Variants in ATP7B observed in about 807,000 individuals in gnomAD.
ATP7B encodes the protein copper-transporting ATPase 2.
A neutral mutation model predicts 118.9 loss-of-function variants in ATP7B; 113 were observed. That is an observed-to-expected ratio of 0.95 (90% confidence interval 0.82 to 1.11). The LOEUF (loss-of-function observed/expected upper bound fraction) is 1.11. Ranked by LOEUF, ATP7B falls within the 50% of genes most tolerant of loss-of-function variation. The pLI, the probability that ATP7B is intolerant of heterozygous loss-of-function variation, is 0.00. For missense variants in ATP7B, 1,867 were observed against 1,871.4 expected, an observed-to-expected ratio of 1.00 and a Z score of 0.04; for synonymous variants, 777 against 727.4, an observed-to-expected ratio of 1.07 and a Z score of -1.10.
Position 52,010,438 on chromosome 13 carries a change from G to A in ATP7B, c.51+849C>T, listed in dbSNP as rs1175087763. ...CATGTACAAAGATGTTCACTTGCAA[G>A]AGAGAGAGAAAAAAAGTAGCAAACA... On this transcript the variant is annotated intron_variant, in intron 1 of 20. Transcript: ENST00000242839. Among the ~76,000 whole-genome samples, 9 of 152,198 alleles carry A rather than the reference G, an allele frequency of 5.9e-5. No homozygotes were observed. The East Asian group carries it at 1.2e-3, about 20-fold the overall frequency.
intron 1 of ATP7B, among the ~76,000 whole-genome samples, chr13:51,983,632 C>A (rs761872385): frequency 1.7e-4 from 24 of 143,212 alleles, no homozygotes; most frequent in Admixed American, 2.1e-4. Context: ...CACCCCCCAG[C>A]AGGGGCCAAA....
chr13:51,973,626 A>T (rs978025751), intron 2 of ATP7B, among the ~76,000 whole-genome samples: 1 of 152,232 alleles, frequency 6.6e-6, no homozygotes, highest in Non-Finnish European at 1.5e-5. Context: ...TCAACCTTAG[A>T]CTTCTCAGTA....
At chr13:51,941,979 G>A (rs1957359354) in intron 15 of ATP7B, among the ~76,000 whole-genome samples, 1 of 152,146 alleles carries the variant, frequency 6.6e-6, no homozygotes, top group Non-Finnish European at 1.5e-5. Flanking sequence ...GTCCCTTCCT[G>A]GCTTGGGCAG....
At chr13:51,982,745 G>A (rs1398369385) in intron 1 of ATP7B, among the ~76,000 whole-genome samples, 1 of 152,218 alleles carries the variant, frequency 6.6e-6, no homozygotes, top group African/African-American at 2.4e-5. Flanking sequence ...TTAAACAGCG[G>A]GTACAGCCCA....
At chr13:51,946,627 C>G (rs1470805471) in intron 12 of ATP7B, 149 bp from the exon 13 acceptor site, 2 of 853,678 alleles carry the variant, frequency 2.3e-6, no homozygotes, top group African/African-American at 3.4e-5. Flanking sequence ...ACTGCTCTGC[C>G]ATCATAGAGA....
intron 1 of ATP7B, among the ~76,000 whole-genome samples, chr13:51,990,476 T>A (rs1300005058): frequency 2.0e-5 from 3 of 152,182 alleles, no homozygotes; most frequent in Non-Finnish European, 4.4e-5. Context: ...ACTTCCATGA[T>A]GTTAAAAAGA....
intron 9 of ATP7B, among the ~76,000 whole-genome samples, chr13:51,953,145 T>G (rs1450636449): frequency 6.6e-6 from 1 of 152,206 alleles, no homozygotes; most frequent in African/African-American, 2.4e-5. Flanking sequence ...CGGAAGGATC[T>G]CGAGAACCCA....
At chr13:51,960,909 T>C (rs1958694592) in intron 6 of ATP7B, among the ~76,000 whole-genome samples, 1 of 152,076 alleles carries the variant, frequency 6.6e-6, no homozygotes, top group African/African-American at 2.4e-5. Flanking sequence ...CGAGTGGTTG[T>C]GGAACCTCAA....
chr13:52,010,444 G>C (rs549275216), intron 1 of ATP7B, among the ~76,000 whole-genome samples: 1 of 152,184 alleles, frequency 6.6e-6, no homozygotes, highest in Non-Finnish European at 1.5e-5. Flanking sequence ...GCAAGAGAGA[G>C]AGAAAAAAAG....
rs767633246 is a variant in ATP7B at position 51,934,875 on chromosome 13, G to C, written c.4279C>G (p.Gln1427Glu). ...GACGTCAGGGAGGACAGCGACACCTGGCTGACATAGCTGACCTGGTCCCAT... is the reference window on the plus strand; with the variant it reads ...GACGTCAGGGAGGACAGCGACACCTCGCTGACATAGCTGACCTGGTCCCAT... ...TPWDQVSYVS[Q>E]VSLSSLTSDK... Residue 1427 changes from glutamine (Q) to glutamate (E), a missense_variant, in exon 21 of 21, where the codon CAG becomes GAG. Physicochemically the swap from Gln to Glu is conservative, Grantham distance 29. Transcript: ENST00000242839. 6.2e-7 allele frequency: 1 copy of C among 1,614,202 alleles called. No homozygotes were observed. The highest frequency in any genetic ancestry group is 1.7e-5 in the Admixed American group (1 of 60,022).
chr13:51,970,596 T>G lies in ATP7B; in HGVS notation c.1439A>C (p.Gln480Pro). The G allele has an allele frequency of 6.2e-7, 1 of 1,614,092 alleles. No individual in the cohort carries two copies. Among genetic ancestry groups the G allele is most frequent in the Non-Finnish European group, 8.5e-7 (1 of 1,180,016 alleles). Residue 480 changes from glutamine (Q) to proline (P), a missense_variant, in exon 3 of 21, where the codon CAA (glutamine) becomes CCA (proline). Gln to Pro is a moderately conservative substitution (Grantham distance 76). Transcript: ENST00000242839. ...CTGCGGTGCCACTGCTCTGGTTGAT[T>G]GTGGGGACTTTGCCAAGATGTCCGG... ...HAPDILAKSPQSTRAVAPQKC... is the reference protein window; with the variant it reads ...HAPDILAKSPPSTRAVAPQKC...
chr13:51,948,276 G>A (rs546872268), intron 12 of ATP7B, among the ~76,000 whole-genome samples: 9 of 151,814 alleles, frequency 5.9e-5, no homozygotes, highest in African/African-American at 9.7e-5. Context: ...TTTTTGCTAC[G>A]TTGCCCAGGT....
At chr13:51,959,873 T>C (rs1049994633) in intron 7 of ATP7B, 41 of 481,938 alleles carry the variant, frequency 8.5e-5, no homozygotes, top group Admixed American at 7.0e-4. Flanking sequence ...AGCAAGGAGG[T>C]TGCTATTCCA....
chr13:51,974,277 T>C lies in ATP7B; in HGVS notation c.943A>G (p.Ile315Val), dbSNP rs745596221. 5.0e-6 allele frequency: 8 copies of C among 1,614,172 alleles called. No homozygotes were observed. The highest frequency in any genetic ancestry group is 6.8e-6 in the Non-Finnish European group (8 of 1,180,036). ...AAATTCCCAGGTGGAAGTGCCTCGA[T>C]AGCCCTCTGCAGAGCCACTGGGCTG... ...CTSPVALQRAIEALPPGNFKV... is the reference protein window; with the variant it reads ...CTSPVALQRAVEALPPGNFKV... Residue 315 changes from isoleucine (I) to valine (V), a missense_variant, in exon 2 of 21, where the codon ATC (isoleucine) becomes GTC (valine). Transcript: ENST00000242839.
At chr13:52,001,840 G>C (rs1231406479) in intron 1 of ATP7B, among the ~76,000 whole-genome samples, 3 of 151,940 alleles carry the variant, frequency 2.0e-5, no homozygotes, top group East Asian at 3.9e-4. Context: ...ACCCAAGCTG[G>C]AGTGCAGTGG....
At chr13:51,957,696 C>T (rs1394821798) in intron 8 of ATP7B, 89 bp from the exon 9 acceptor site, 3 of 1,323,174 alleles carry the variant, frequency 2.3e-6, no homozygotes, top group Admixed American at 3.4e-5. Context: ...GTGTTAGAGA[C>T]AGCTGGTGCG....
chr13:51,986,963 C>T lies in ATP7B; in HGVS notation c.52-11795G>A, dbSNP rs1032940627. ...TATGACAAACCCAGAGCCAATATCA[C>T]AGTGAATGGGCAAAAACTGGAAGCA... On this transcript the variant is annotated intron_variant, in intron 1 of 20. Transcript: ENST00000242839. Among the ~76,000 whole-genome samples the T allele has an allele frequency of 3.9e-5, 6 of 152,218 alleles. No homozygotes were observed. In the East Asian group the frequency reaches 9.7e-4, roughly 25 times the overall value.
intron 11 of ATP7B, 58 bp downstream of exon 11, chr13:51,949,949 C>T (rs1419046783): frequency 6.2e-7 from 1 of 1,613,538 alleles, no homozygotes; most frequent in Admixed American, 1.7e-5. Flanking sequence ...TCCCAGAACT[C>T]TTCACATAAT....
At chr13:51,978,152 T>C (rs1244505741) in intron 1 of ATP7B, among the ~76,000 whole-genome samples, 1 of 151,890 alleles carries the variant, frequency 6.6e-6, no homozygotes, top group Non-Finnish European at 1.5e-5. Context: ...TTGACATAAC[T>C]AAACACAATA....
Sources: allele counts gnomAD v4.1 joint callset (sites outside exome capture counted in the v4.1 genomes callset), GRCh38; gene constraint gnomAD v4.1.1; transcripts MANE v1.5; gene names NCBI Gene and HGNC (gene_info 2026-07-23, HGNC 2026-07-21).